RMDN2: variants seen among roughly 807,000 people sequenced by gnomAD.
The protein encoded by RMDN2 is regulator of microtubule dynamics 2.
RMDN2 carries 61 observed loss-of-function variants against 52.8 expected under a neutral mutation model. The ratio of observed to expected loss-of-function variants is 1.16; its 90% CI spans 0.94 to 1.43. The LOEUF (loss-of-function observed/expected upper bound fraction) is 1.43. Ranked by LOEUF, RMDN2 falls within the 40% of genes most tolerant of loss-of-function variation. The pLI, the probability that RMDN2 is intolerant of heterozygous loss-of-function variation, is 0.00. For missense variants in RMDN2, 592 were observed against 475.3 expected, an observed-to-expected ratio of 1.25 and a Z score of -2.28; for synonymous variants, 180 against 153.1, an observed-to-expected ratio of 1.18 and a Z score of -1.30.
chr2:37,979,755 G>A (rs572912924), intron 4 of RMDN2, among the ~76,000 whole-genome samples: 24 of 152,184 alleles, frequency 1.6e-4, no homozygotes, highest in African/African-American at 3.6e-4. Flanking sequence ...ACTACCCGGC[G>A]TCTTTTTATA....
chr2:37,960,815 C>T (rs1294810896), intron 2 of RMDN2, among the ~76,000 whole-genome samples: 1 of 152,174 alleles, frequency 6.6e-6, no homozygotes, highest in Non-Finnish European at 1.5e-5. Context: ...TATGTTTTTG[C>T]AGTGGCTGGT....
chr2:38,020,830 C>A (rs938238504), downstream of RMDN2, among the ~76,000 whole-genome samples: 10 of 152,134 alleles, frequency 6.6e-5, no homozygotes, highest in African/African-American at 1.4e-4. Flanking sequence ...GAGCCTCCCC[C>A]ACGAGCGCCA....
At chr2:37,987,469 T>C (rs1388085664) in intron 5 of RMDN2, among the ~76,000 whole-genome samples, 5 of 152,132 alleles carry the variant, frequency 3.3e-5, no homozygotes, top group African/African-American at 4.8e-5. Flanking sequence ...GTTCCAACTA[T>C]ATGACATTCT....
chr2:37,930,152 A>T (rs1237033198), intron 2 of RMDN2, among the ~76,000 whole-genome samples: 1 of 152,254 alleles, frequency 6.6e-6, no homozygotes, highest in African/African-American at 2.4e-5. Context: ...GCCACAAAGC[A>T]CATGAAATGT....
downstream of RMDN2, among the ~76,000 whole-genome samples, chr2:38,020,547 C>T (rs929311019): frequency 6.6e-6 from 1 of 152,220 alleles, no homozygotes; most frequent in African/African-American, 2.4e-5. Flanking sequence ...CTGTGCCCGG[C>T]GCTTGCGGGC....
intron 2 of RMDN2, among the ~76,000 whole-genome samples, chr2:37,934,518 A>G (rs986855440): frequency 1.3e-5 from 2 of 151,914 alleles, no homozygotes; most frequent in Middle Eastern, 3.2e-3. Context: ...TGGTAATCAC[A>G]TGTTGTTACT....
intron 2 of RMDN2, among the ~76,000 whole-genome samples, chr2:37,943,762 T>C (rs971741614): frequency 2.0e-5 from 3 of 152,222 alleles, no homozygotes; most frequent in Admixed American, 1.3e-4. Flanking sequence ...TCCCCTATCC[T>C]TCTAAATTAA....
rs1440418010 is a variant in RMDN2 at position 37,977,588 on chromosome 2, G to T, written c.730+2274G>T. 3.3e-5 allele frequency among the ~76,000 whole-genome samples: 5 copies of T among 151,288 alleles called. 1 individual carries two copies. Among genetic ancestry groups the T allele is most frequent in the Admixed American group, 2.6e-4 (4 of 15,200 alleles). ...GATGGGGCGGCTGCTGGGCGGAGGG[G>T]CTCCTCACTTCTCAGACCGGGCGGC... On this transcript the variant is annotated intron_variant, in intron 4 of 10. Coordinates refer to ENST00000354545, the MANE Select transcript of RMDN2 (RefSeq NM_001170791.3).
chr2:37,964,058 C>T (rs1278719008), intron 2 of RMDN2, among the ~76,000 whole-genome samples: 8 of 150,828 alleles, frequency 5.3e-5, no homozygotes, highest in South Asian at 2.1e-4. Flanking sequence ...CCCTCCCGGA[C>T]GTGGCGGCTG....
chr2:37,933,902 G>T (rs1402883277), intron 2 of RMDN2, among the ~76,000 whole-genome samples: 5 of 152,106 alleles, frequency 3.3e-5, no homozygotes, highest in African/African-American at 1.2e-4. Flanking sequence ...CAGAAACAAG[G>T]TTTTTGTAAA....
chr2:38,029,372 A>G (rs1680013023), intron 10 of RMDN2: 1 of 152,144 alleles, frequency 6.6e-6, no homozygotes, highest in Non-Finnish European at 1.5e-5. Flanking sequence ...AAGTTTTGCC[A>G]CAAAACCTTC....
At chr2:37,973,180 G>C (rs1334230593) in intron 2 of RMDN2, among the ~76,000 whole-genome samples, 1 of 151,902 alleles carries the variant, frequency 6.6e-6, no homozygotes, top group Non-Finnish European at 1.5e-5. Flanking sequence ...ATATATCCTT[G>C]TATACCTCCT....
At chr2:38,030,722 G>C (rs1440422043) in intron 10 of RMDN2, 2 of 152,068 alleles carry the variant, frequency 1.3e-5, no homozygotes, top group Non-Finnish European at 2.9e-5. Context: ...ACCATCATTT[G>C]ACCATGGAGA....
At chr2:38,057,988 T>C (rs926150236) in intron 10 of RMDN2, among the ~76,000 whole-genome samples, 8 of 152,236 alleles carry the variant, frequency 5.3e-5, no homozygotes, top group Admixed American at 4.6e-4. Context: ...TTCATAGGAC[T>C]GTGAGAATAG....
intron 10 of RMDN2, among the ~76,000 whole-genome samples, chr2:38,033,857 T>A (rs1237423951): frequency 2.6e-5 from 4 of 152,330 alleles, no homozygotes; most frequent in Middle Eastern, 3.4e-3. Flanking sequence ...CAAACCACAG[T>A]TAGCCTGGGA....
intron 10 of RMDN2, among the ~76,000 whole-genome samples, chr2:38,059,296 A>G (rs1409407578): frequency 6.6e-6 from 1 of 152,240 alleles, no homozygotes; most frequent in Non-Finnish European, 1.5e-5. Context: ...TAGGACAATA[A>G]ACAGCTGGCT....
chr2:37,942,625 A>T (rs1020130894), intron 2 of RMDN2, among the ~76,000 whole-genome samples: 2 of 152,198 alleles, frequency 1.3e-5, no homozygotes, highest in African/African-American at 4.8e-5. Context: ...TGAAGATGAA[A>T]TCGTAACTAA....
intron 10 of RMDN2, among the ~76,000 whole-genome samples, chr2:38,066,323 G>T (rs915511206): frequency 2.6e-5 from 4 of 152,140 alleles, no homozygotes; most frequent in African/African-American, 9.7e-5. Flanking sequence ...CTTAGCAGAG[G>T]TGCTACAAGC....
chr2:37,929,098 A>G (rs1354789917), intron 1 of RMDN2, among the ~76,000 whole-genome samples, 164 bp from the exon 2 acceptor site: 1 of 152,230 alleles, frequency 6.6e-6, no homozygotes. Context: ...GACTCTTACA[A>G]CAGTATACTT....
Sources: allele counts gnomAD v4.1 joint callset (sites outside exome capture counted in the v4.1 genomes callset), GRCh38; gene constraint gnomAD v4.1.1; transcripts MANE v1.5; gene names NCBI Gene and HGNC (gene_info 2026-07-23, HGNC 2026-07-21).